The following RUNDC3B variants were observed in gnomAD, a reference collection of about 807,000 sequenced individuals.
RUNDC3B encodes RUN domain-containing protein 3B.
RUNDC3B carries 33 observed loss-of-function variants against 58.4 expected under a neutral mutation model. That is an observed-to-expected ratio of 0.56 (90% CI 0.43 to 0.75). The LOEUF (loss-of-function observed/expected upper bound fraction) is 0.75, where lower values mean the gene tolerates loss of function less well. Ranked by LOEUF, RUNDC3B falls within the 30% of genes least tolerant of loss-of-function variation. The pLI is 0.00. For synonymous variants in RUNDC3B, 193 were observed against 195.2 expected (o/e 0.99, Z 0.10); for missense variants, 501 against 535.7 (o/e 0.94, Z 0.64).
rs537512246 is a variant in RUNDC3B, at chr7:87,690,490, C to T, written c.239-9931C>T. Among the ~76,000 whole-genome samples the T allele has an allele frequency of 3.3e-5, 5 of 152,174 alleles. No individual in the cohort carries two copies. The East Asian group carries it at 5.8e-4, about 18-fold the overall frequency. ...TAAGATGTTAATACCTACCACCTACCTGTAAATGGCATTTTAAAGCAGTAT... is the reference window on the plus strand; with the variant it reads ...TAAGATGTTAATACCTACCACCTACTTGTAAATGGCATTTTAAAGCAGTAT... On this transcript the variant is annotated intron_variant, in intron 2 of 10. Transcript: ENST00000394654.
At chr7:87,707,686 A>G (rs1254917881) in intron 3 of RUNDC3B, among the ~76,000 whole-genome samples, 1 of 151,886 alleles carries the variant, frequency 6.6e-6, no homozygotes, top group Non-Finnish European at 1.5e-5. Flanking sequence ...AATAAAATAA[A>G]ATAAATAAAT....
chr7:87,725,707 AC>A (rs1465369770), intron 4 of RUNDC3B, among the ~76,000 whole-genome samples: 1 of 152,174 alleles, frequency 6.6e-6, no homozygotes, highest in East Asian at 1.9e-4. Context: ...CGTCCCACCA[AC>A]AGTGTAAAAG....
chr7:87,818,391 C>G (rs1173735169), intron 10 of RUNDC3B, among the ~76,000 whole-genome samples: 1 of 152,056 alleles, frequency 6.6e-6, no homozygotes, highest in African/African-American at 2.4e-5. Flanking sequence ...AGAAAGGAGG[C>G]TGCATGATAT....
chr7:87,715,230 AG>A (rs1234517911), intron 4 of RUNDC3B, among the ~76,000 whole-genome samples: 1 of 137,136 alleles, frequency 7.3e-6, no homozygotes, highest in Non-Finnish European at 1.5e-5. Context: ...TTAATATATA[AG>A]GACTTTATAT....
chr7:87,729,622 T>TA (rs1157766612), intron 4 of RUNDC3B, among the ~76,000 whole-genome samples: 1 of 152,180 alleles, frequency 6.6e-6, no homozygotes, highest in Non-Finnish European at 1.5e-5. Context: ...TTGGGGGTCT[T>TA]AAATAAATTT....
intron 2 of RUNDC3B, 48 bp downstream of exon 2, chr7:87,650,985 A>C (rs1823515686): frequency 9.3e-7 from 1 of 1,078,712 alleles, no homozygotes; most frequent in Non-Finnish European, 1.4e-6. Context: ...TGTCTTTATA[A>C]TAAGCTTGAA....
chr7:87,631,460 G>T (rs1372351729), intron 1 of RUNDC3B, among the ~76,000 whole-genome samples: 2 of 152,024 alleles, frequency 1.3e-5, no homozygotes, highest in African/African-American at 4.8e-5. Context: ...GCGCGATCTC[G>T]GCTCACTGCA....
chr7:87,743,125 A>T (rs948541067), intron 6 of RUNDC3B, among the ~76,000 whole-genome samples: 1 of 152,032 alleles, frequency 6.6e-6, no homozygotes, highest in Non-Finnish European at 1.5e-5. Flanking sequence ...AAAAAAAAAA[A>T]AAGGGAACTA....
intron 6 of RUNDC3B, among the ~76,000 whole-genome samples, chr7:87,752,754 A>G (rs1257687072): frequency 1.3e-5 from 2 of 151,458 alleles, no homozygotes; most frequent in South Asian, 2.1e-4. Flanking sequence ...CGTCTATTTG[A>G]TTCTTCTCTC....
chr7:87,711,951 C>A (rs1207724402), intron 4 of RUNDC3B, among the ~76,000 whole-genome samples: 1 of 152,162 alleles, frequency 6.6e-6, no homozygotes, highest in African/African-American at 2.4e-5. Context: ...GAAATCATAT[C>A]TCTGAGATCT....
At chr7:87,769,344 C>T (rs969109493) in intron 6 of RUNDC3B, among the ~76,000 whole-genome samples, 1 of 152,014 alleles carries the variant, frequency 6.6e-6, no homozygotes, top group Non-Finnish European at 1.5e-5. Flanking sequence ...ACCTGAACAT[C>T]TGGGGTTTGG....
intron 10 of RUNDC3B, among the ~76,000 whole-genome samples, 165 bp downstream of exon 10, chr7:87,816,427 TGTGTGG>T (rs757077903): frequency 3.0e-4 from 46 of 152,264 alleles, no homozygotes; most frequent in Admixed American, 8.5e-4. Context: ...TTCTCGTGTG[TGTGTGG>T]GGGGGGCTAA....
chr7:87,651,973 G>A (rs1353208475), intron 2 of RUNDC3B, among the ~76,000 whole-genome samples: 3 of 151,768 alleles, frequency 2.0e-5, no homozygotes, highest in Non-Finnish European at 2.9e-5. Context: ...TTGCTGTTCT[G>A]TGTTTCCTAA....
chr7:87,814,014 T>G (rs1836882342), intron 9 of RUNDC3B, among the ~76,000 whole-genome samples: 1 of 151,128 alleles, frequency 6.6e-6, no homozygotes, highest in Non-Finnish European at 1.5e-5. Context: ...GAAAATCAAG[T>G]GAGATTTTCT....
intron 8 of RUNDC3B, among the ~76,000 whole-genome samples, chr7:87,805,639 T>C (rs1836397882): frequency 1.3e-5 from 2 of 152,180 alleles, no homozygotes; most frequent in African/African-American, 2.4e-5. Flanking sequence ...GGTATAAAAC[T>C]TTTCACTTTC....
chr7:87,703,892 T>C (rs1585150094), intron 3 of RUNDC3B, among the ~76,000 whole-genome samples: 7 of 111,866 alleles, frequency 6.3e-5, no homozygotes, highest in Admixed American at 4.8e-4. Flanking sequence ...TTTCTTTTTT[T>C]TTTTTTTTTT....
chr7:87,785,578 T>C (rs879879556), intron 8 of RUNDC3B, among the ~76,000 whole-genome samples: 1 of 152,146 alleles, frequency 6.6e-6, no homozygotes, highest in Admixed American at 6.5e-5. Context: ...CAGGCTGTGC[T>C]CTGTGCACCC....
In RUNDC3B at chr7:87,720,537, GAT is replaced by G. The variant is rs201290808; in HGVS notation, c.458+9887_458+9888del. ...TATCACAAATTTAAGCAGAAGATAG[GAT>G]ATATGTGTGTGTGTGTGTGTGTGTG... On this transcript the variant is annotated intron_variant, in intron 4 of 10. Transcript: ENST00000394654. Among the ~76,000 whole-genome samples, 362 of 105,110 alleles carry G rather than the reference GAT, an allele frequency of 3.4e-3. 1 individual carries two copies. The highest frequency in any genetic ancestry group is 0.011 in the African/African-American group (321 of 29,600). 69.0% of individuals were successfully genotyped at this position (105,110 alleles called of 152,430 possible).
At chr7:87,711,863 CT>C (rs1243080662) in intron 4 of RUNDC3B, among the ~76,000 whole-genome samples, 3 of 152,012 alleles carry the variant, frequency 2.0e-5, no homozygotes, top group Non-Finnish European at 4.4e-5. Context: ...TTTTTTCTAC[CT>C]CATTAATCAT....
Sources: allele counts gnomAD v4.1 joint callset (sites outside exome capture counted in the v4.1 genomes callset), GRCh38; gene constraint gnomAD v4.1.1; transcripts MANE v1.5; gene names NCBI Gene and HGNC (gene_info 2026-07-23, HGNC 2026-07-21).